Variants in PACS1 observed in about 807,000 individuals in gnomAD.
PACS1 encodes phosphofurin acidic cluster sorting protein 1, also known as PACS-1.
Under a neutral mutation model 115.0 loss-of-function variants are expected in PACS1, and 24 were observed. The observed-to-expected ratio is 0.21, with a 90% CI of 0.15 to 0.29. The LOEUF (loss-of-function observed/expected upper bound fraction) is 0.29, where lower values mean the gene tolerates loss of function less well. Ranked by LOEUF, PACS1 falls within the 10% of genes least tolerant of loss-of-function variation. The pLI, the probability that PACS1 is intolerant of heterozygous loss-of-function variation, is 1.00. For synonymous variants in PACS1, 453 were observed against 504.5 expected, an observed-to-expected ratio of 0.90 and a Z score of 1.37; for missense variants, 838 against 1,251.2, an observed-to-expected ratio of 0.67 and a Z score of 4.98.
intron 1 of PACS1, among the ~76,000 whole-genome samples, chr11:66,171,680 C>T (rs111449620): frequency 6.7e-6 from 1 of 149,860 alleles, no homozygotes; most frequent in Non-Finnish European, 1.5e-5. Context: ...CCCAGGTTCA[C>T]GCTATTCTCC....
rs1247078744 is a variant in PACS1 at position 66,227,443 on chromosome 11, A to G, written c.1294-61A>G. 28 of 963,158 alleles carry G rather than the reference A, an allele frequency of 2.9e-5. No homozygotes were observed. The South Asian group carries it at 3.5e-4, about 12-fold the overall frequency. The allele number at this position is 963,158 out of a possible 1,614,324, so 59.7% of individuals were successfully genotyped here. A position where few individuals can be genotyped will look rare whatever the true frequency, so the allele number is the denominator to read the frequency against. ...ATTTTAAGCTTCATAGGGACCTAGT[A>G]AAACAAATTAAAGTGGTAGTTATTT... is the stretch of plus-strand genomic sequence containing the variant. On this transcript the variant is annotated intron_variant, in intron 10 of 23. Coordinates refer to ENST00000320580, the MANE Select transcript of PACS1 (RefSeq NM_018026.4).
At chr11:66,097,481 C>G (rs1206598036) in intron 1 of PACS1, among the ~76,000 whole-genome samples, 1 of 152,184 alleles carries the variant, frequency 6.6e-6, no homozygotes, top group Admixed American at 6.5e-5. Flanking sequence ...TGCCAACAAC[C>G]ATGTGTGTTT....
chr11:66,212,433 T>G (rs1420507966), intron 4 of PACS1, among the ~76,000 whole-genome samples: 1 of 150,418 alleles, frequency 6.6e-6, no homozygotes, highest in Non-Finnish European at 1.5e-5. Flanking sequence ...CGCCTGGCCT[T>G]AACTTTTTTT....
intron 10 of PACS1, 148 bp downstream of exon 10, chr11:66,221,395 C>T: frequency 1.5e-6 from 1 of 681,284 alleles, no homozygotes. Flanking sequence ...CAACTGTAAT[C>T]CTGGCACTTT....
chr11:66,074,615 C>T (rs1857362991), intron 1 of PACS1, among the ~76,000 whole-genome samples: 1 of 152,134 alleles, frequency 6.6e-6, no homozygotes, highest in Non-Finnish European at 1.5e-5. Context: ...ATCCAAAGCC[C>T]ATTTGCATAC....
chr11:66,191,789 C>T (rs904790336), intron 1 of PACS1, among the ~76,000 whole-genome samples: 2 of 152,224 alleles, frequency 1.3e-5, no homozygotes, highest in Admixed American at 6.5e-5. Context: ...TTTGCCAGGC[C>T]GAGGCAGGCG....
At chr11:66,136,050 G>A (rs1858834889) in intron 1 of PACS1, among the ~76,000 whole-genome samples, 1 of 152,128 alleles carries the variant, frequency 6.6e-6, no homozygotes, top group African/African-American at 2.4e-5. Context: ...GAATTATTGA[G>A]CTACTGATTT....
chr11:66,147,450 T>C (rs2134603308), intron 1 of PACS1, among the ~76,000 whole-genome samples: 1 of 152,164 alleles, frequency 6.6e-6, no homozygotes, highest in East Asian at 1.9e-4. Context: ...AAATGTAAGA[T>C]AATATATAAA....
chr11:66,195,685 C>T (rs142034152), intron 2 of PACS1, among the ~76,000 whole-genome samples: 2 of 152,260 alleles, frequency 1.3e-5, no homozygotes, highest in African/African-American at 4.8e-5. Context: ...TTACAGATGT[C>T]ACCACATTCA....
chr11:66,202,742 A>AAAATATATAT (rs1200930188), intron 2 of PACS1, among the ~76,000 whole-genome samples: 11 of 71,596 alleles, frequency 1.5e-4, no homozygotes, highest in African/African-American at 4.0e-4. Flanking sequence ...AAAAAAAAAA[A>AAAATATATAT]ATATATATAT....
chr11:66,152,791 A>G (rs1343333641), intron 1 of PACS1, among the ~76,000 whole-genome samples: 1 of 152,226 alleles, frequency 6.6e-6, no homozygotes, highest in African/African-American at 2.4e-5. Context: ...AGTGTTACAA[A>G]TGTGACTGAC....
chr11:66,227,417 T>G (rs1855489837), intron 10 of PACS1, 87 bp from the exon 11 acceptor site: 7 of 735,894 alleles, frequency 9.5e-6, no homozygotes, highest in African/African-American at 5.4e-5. Context: ...TAAATGAAAG[T>G]ATTTTAAGCT....
intron 1 of PACS1, 58 bp from the exon 2 acceptor site, chr11:66,193,428 A>T (rs907821702): frequency 8.3e-7 from 1 of 1,207,558 alleles, no homozygotes; most frequent in Non-Finnish European, 1.2e-6. Flanking sequence ...CCAATTGTTC[A>T]TCACTTTTCT....
chr11:66,114,875 C>T (rs1361925377), intron 1 of PACS1, among the ~76,000 whole-genome samples: 1 of 151,888 alleles, frequency 6.6e-6, no homozygotes, highest in Non-Finnish European at 1.5e-5. Context: ...GTTTGTATAC[C>T]TCATTCAAAA....
chr11:66,219,935 A>G (rs1194944243), intron 8 of PACS1, 130 bp downstream of exon 8: 18 of 766,376 alleles, frequency 2.3e-5, no homozygotes, highest in Non-Finnish European at 3.9e-5. Flanking sequence ...TCCCCGTGGC[A>G]TACCTGGTAG....
chr11:66,141,192 T>C (rs1858974698), intron 1 of PACS1, among the ~76,000 whole-genome samples: 1 of 152,264 alleles, frequency 6.6e-6, no homozygotes, highest in Admixed American at 6.5e-5. Flanking sequence ...AATGAAATAT[T>C]ACTTTTATAT....
intron 1 of PACS1, among the ~76,000 whole-genome samples, chr11:66,135,419 A>T (rs890489101): frequency 6.6e-6 from 1 of 152,132 alleles, no homozygotes; most frequent in Non-Finnish European, 1.5e-5. Context: ...CAGAATCTTT[A>T]TGGGTTTTTG....
chr11:66,229,211 CAAAAAAAAAAA>C (rs386374029), intron 11 of PACS1, among the ~76,000 whole-genome samples: 2 of 63,222 alleles, frequency 3.2e-5, no homozygotes, highest in Non-Finnish European at 5.6e-5. Context: ...CCCGTCTCTA[CAAAAAAAAAAA>C]AAAAAAAAAA....
Position 66,070,401 on chromosome 11 carries a change from C to T in PACS1, c.-86C>T. The T allele has an allele frequency of 1.2e-6, 1 of 821,916 alleles. No individual in the cohort carries two copies. Among genetic ancestry groups the T allele is most frequent in the Middle Eastern group, 4.5e-4 (1 of 2,236 alleles). The allele number at this position is 821,916 out of a possible 1,614,324, so 50.9% of individuals were successfully genotyped here. A position where few individuals can be genotyped will look rare whatever the true frequency, so the allele number is the denominator to read the frequency against. On this transcript the variant is annotated 5_prime_UTR_variant, in exon 1 of 24. Coordinates refer to ENST00000320580, the MANE Select transcript of PACS1 (RefSeq NM_018026.4). The surrounding 1 kb of genome is among the most constrained non-coding windows in gnomAD (Gnocchi z 5.9). ...CGGGCAGGCGGGCTGAGGAGGCTGC[C>T]GCGCCCCCGCCGCCGCCGCCGCGGG...
Sources: gnomAD v4.1 joint callset for allele counts (sites outside exome capture counted in the v4.1 genomes callset) on GRCh38, gnomAD v4.1.1 for gene constraint, Gnocchi (gnomAD v3.1) non-coding constraint, MANE v1.5 for transcripts, NCBI Gene and HGNC (gene_info 2026-07-23, HGNC 2026-07-21) for gene names.